The following NAGK variants were observed in gnomAD, a reference collection of about 807,000 sequenced individuals.
The protein encoded by NAGK is N-acetylglucosamine kinase.
In NAGK, 35 loss-of-function variants were observed where a neutral mutation model predicts 42.9. That is an observed-to-expected ratio of 0.82 (90% CI 0.62 to 1.08). The LOEUF is 1.08. Among genes scored for constraint, NAGK ranks in the 50% least tolerant of loss-of-function variants. The pLI is 0.00. For synonymous variants in NAGK, 172 were observed against 176.0 expected, an observed-to-expected ratio of 0.98 and a Z score of 0.18; for missense variants, 446 against 446.0, an observed-to-expected ratio of 1.00 and a Z score of 0.00.
chr2:71,068,357 G>T, upstream of NAGK: 1 of 811,246 alleles, frequency 1.2e-6, no homozygotes, highest in East Asian at 3.4e-5. Flanking sequence ...TGTCCTAAGG[G>T]TCCGACCGAC....
At chr2:71,071,015 A>G in intron 3 of NAGK, 176 bp downstream of exon 3, 1 of 653,520 alleles carries the variant, frequency 1.5e-6, no homozygotes, top group Non-Finnish European at 2.7e-6. Context: ...CCTACAAACT[A>G]CAAATGTGTT....
chr2:71,077,570 G>GTCT lies in NAGK; in HGVS notation c.778_779insTCT (p.Gly260delinsValCys). ...GCTCTCCACCCAGGTCTTGTTCCAGGGCAAGATTGGACTCCCCATCCTGTG... is the reference window on the plus strand; with the variant it reads ...GCTCTCCACCCAGGTCTTGTTCCAGGTCTGCAAGATTGGACTCCCCATCCTGTG... On this transcript the variant is annotated protein_altering_variant, in exon 9 of 10. Transcript: ENST00000244204. 6.2e-7 allele frequency: 1 copy of GTCT among 1,608,600 alleles called. No individual in the cohort carries two copies. Among genetic ancestry groups the GTCT allele is most frequent in the East Asian group, 2.2e-5 (1 of 44,642 alleles).
intron 8 of NAGK, 108 bp from the exon 9 acceptor site, chr2:71,077,450 C>A: frequency 1.9e-6 from 2 of 1,068,444 alleles, no homozygotes; most frequent in South Asian, 1.4e-5. Context: ...TGTTTCTTGG[C>A]TTGAGGGCGA....
In NAGK at chr2:71,070,809, G is replaced by T; in HGVS notation, c.183G>T (p.Gly61=). 1.2e-6 allele frequency: 2 copies of T among 1,614,204 alleles called. No homozygotes were observed. The highest frequency in any genetic ancestry group is 1.3e-5 in the African/African-American group (1 of 75,054). The change falls in exon 3 of 10, where the codon GGG becomes GGT. Residue 61 remains glycine, a synonymous_variant. Transcript: ENST00000244204. ...TGAACAGGGCCAAACGGAAAGCAGGGGTGGATCCTCTGGTACCGCTGCGAA... is the reference window on the plus strand; with the variant it reads ...TGAACAGGGCCAAACGGAAAGCAGGTGTGGATCCTCTGGTACCGCTGCGAA... ...EMVNRAKRKA[G]VDPLVPLRSL... is the part of the protein sequence containing the mutation.
chr2:71,072,374 T>C, intron 4 of NAGK: 1 of 451,546 alleles, frequency 2.2e-6, no homozygotes, highest in South Asian at 2.3e-5. Flanking sequence ...GAAGACCGGC[T>C]GGGCAAGGAG....
intron 7 of NAGK, 180 bp downstream of exon 7, chr2:71,075,822 G>T: frequency 1.6e-6 from 1 of 607,742 alleles, no homozygotes. Context: ...AGGGCACGTG[G>T]GTCGTGTTGA....
Position 71,076,703 on chromosome 2 carries a change from T to C in NAGK, c.765+2T>C. 1 of 1,612,026 alleles carries C rather than the reference T, an allele frequency of 6.2e-7. No homozygotes were observed. ...GCAGTGTTGCCCGAGATTGACCCGG[T>C]GAGTTGAGGTGGGAGTGAAGGTGGG... On this transcript the variant is annotated splice_donor_variant, in intron 8 of 9. Transcript: ENST00000244204. LOFTEE classifies it high-confidence loss of function.
In NAGK at chr2:71,071,844, A is replaced by G. The variant is rs1280332766; in HGVS notation, c.355+17A>G. 1 of 1,613,406 alleles carries G rather than the reference A, an allele frequency of 6.2e-7. No homozygotes were observed. The highest frequency in any genetic ancestry group is 2.2e-5 in the East Asian group (1 of 44,878). ...CACCGGATGGTGAGGAAGTGGAGGG[A>G]GGGGTGAGAGTGAGAACTGGTTTTT... is the stretch of plus-strand genomic sequence containing the variant. On this transcript the variant is annotated intron_variant, in intron 4 of 9. Coordinates refer to ENST00000244204, the MANE Select transcript of NAGK (RefSeq NM_017567.6).
chr2:71,070,913 G>C, intron 3 of NAGK, 74 bp downstream of exon 3: 1 of 1,438,352 alleles, frequency 7.0e-7, no homozygotes, highest in Middle Eastern at 1.7e-4. Context: ...GACTAGATGA[G>C]TTTGATGACT....
chr2:71,076,714 G>C lies in NAGK; in HGVS notation c.765+13G>C. 1 of 1,608,964 alleles carries C rather than the reference G, an allele frequency of 6.2e-7. No individual in the cohort carries two copies. Among genetic ancestry groups the C allele is most frequent in the Non-Finnish European group, 8.5e-7 (1 of 1,175,654 alleles). On this transcript the variant is annotated intron_variant, in intron 8 of 9. Coordinates refer to ENST00000244204, the MANE Select transcript of NAGK (RefSeq NM_017567.6). ...CGAGATTGACCCGGTGAGTTGAGGT[G>C]GGAGTGAAGGTGGGGAGCTGCTGGG...
chr2:71,076,667 G>A lies in NAGK; in HGVS notation c.731G>A (p.Arg244Lys), dbSNP rs771852323. The A allele has an allele frequency of 1.9e-6, 3 of 1,613,880 alleles. No individual in the cohort carries two copies. In the South Asian group the frequency reaches 3.3e-5, roughly 18 times the overall value. ...IFRKAGEMLG[R>K]HIVAVLPEID... ...AGGAAGGCTGGGGAGATGCTGGGCA[G>A]ACACATCGTAGCAGTGTTGCCCGAG... The change falls in exon 8 of 10, where the codon AGA (arginine) becomes AAA (lysine). Residue 244 changes from arginine (R) to lysine (K), a missense_variant. Physicochemically the swap from Arg to Lys is conservative, Grantham distance 26. Transcript: ENST00000244204.
At chr2:71,069,893 T>C (rs561814883) in intron 1 of NAGK, 46 of 158,860 alleles carry the variant, frequency 2.9e-4, no homozygotes, top group African/African-American at 1.1e-3. Flanking sequence ...TAAGTATGTA[T>C]GAAGTCACCC....
At position 71,071,527 on chromosome 2, in the gene NAGK, C is replaced by T. The variant is rs1672001354; in HGVS notation, c.214-159C>T. The T allele has an allele frequency of 6.8e-6, 7 of 1,026,212 alleles. No individual in the cohort carries two copies. The East Asian group carries it at 1.9e-4, about 27-fold the overall frequency. 63.6% of individuals were successfully genotyped at this position (1,026,212 alleles called of 1,614,324 possible). Reference sequence around the variant, plus strand: ...AGGTTGTTCTTATAACCACAGCCTTCTGAGGGGTCATTGTGTGGGGAGAAA... The same window carrying T: ...AGGTTGTTCTTATAACCACAGCCTTTTGAGGGGTCATTGTGTGGGGAGAAA... On this transcript the variant is annotated intron_variant, in intron 3 of 9. Coordinates refer to ENST00000244204, the MANE Select transcript of NAGK (RefSeq NM_017567.6).
chr2:71,073,599 T>G lies in NAGK; in HGVS notation c.579+5T>G. On this transcript the variant is annotated splice_donor_5th_base_variant and intron_variant, in intron 6 of 9. Coordinates refer to ENST00000244204, the MANE Select transcript of NAGK (RefSeq NM_017567.6). Reference sequence around the variant, plus strand: ...GCCATGTTCCACTATTTCCAGGTACTCCTCCTGCTCCCAGTAAACATGCGC... The same window carrying G: ...GCCATGTTCCACTATTTCCAGGTACGCCTCCTGCTCCCAGTAAACATGCGC... 1 of 1,594,090 alleles carries G rather than the reference T, an allele frequency of 6.3e-7. No individual in the cohort carries two copies. The highest frequency in any genetic ancestry group is 2.2e-5 in the East Asian group (1 of 44,806).
At position 71,077,648 on chromosome 2, in the gene NAGK, G is replaced by A. The variant is rs762644371; in HGVS notation, c.844+12G>A. 1 of 1,598,334 alleles carries A rather than the reference G, an allele frequency of 6.3e-7. No homozygotes were observed. The highest frequency in any genetic ancestry group is 8.5e-7 in the Non-Finnish European group (1 of 1,172,344). On this transcript the variant is annotated intron_variant, in intron 9 of 9. Transcript: ENST00000244204. ...GCTGCTGAAGGAAGGTGAGCCTGGG[G>A]GGAGGCTGGAAGGGCAAGGGCAGGG...
intron 5 of NAGK, 94 bp from the exon 6 acceptor site, chr2:71,073,388 C>A: frequency 1.6e-6 from 1 of 627,496 alleles, no homozygotes; most frequent in Non-Finnish European, 2.7e-6. Flanking sequence ...GTATAAAATT[C>A]AAGCAGATCA....
At chr2:71,075,705 T>C (rs1672185340) in intron 7 of NAGK, 63 bp downstream of exon 7, 3 of 1,462,612 alleles carry the variant, frequency 2.1e-6, no homozygotes, top group East Asian at 2.3e-5. Context: ...AGTTGGGAGA[T>C]TGAGTGGGGT....
chr2:71,076,641 C>T lies in NAGK; in HGVS notation c.705C>T (p.Phe235=), dbSNP rs1285374292. 4.3e-6 allele frequency: 7 copies of T among 1,613,802 alleles called. No individual in the cohort carries two copies. The highest frequency in any genetic ancestry group is 5.9e-6 in the Non-Finnish European group (7 of 1,179,872). ...GAGACCCCCTTTCCCGCTATATCTT[C>T]AGGAAGGCTGGGGAGATGCTGGGCA... ...QQGDPLSRYI[F]RKAGEMLGRH... The change falls in exon 8 of 10, where the codon TTC becomes TTT. Residue 235 remains phenylalanine, a synonymous_variant. Transcript: ENST00000244204.
chr2:71,073,343 TG>T, intron 5 of NAGK, 138 bp from the exon 6 acceptor site: 5 of 171,696 alleles, frequency 2.9e-5, no homozygotes, highest in Admixed American at 5.9e-5. Context: ...TCCCACCCCC[TG>T]CCACCCCTGG....
Sources: gnomAD v4.1 joint callset for allele counts on GRCh38, gnomAD v4.1.1 for gene constraint, MANE v1.5 for transcripts, NCBI Gene and HGNC (gene_info 2026-07-23, HGNC 2026-07-21) for gene names.